The following TMEM252 variants were observed in gnomAD, a reference collection of about 807,000 sequenced individuals.
TMEM252 encodes transmembrane protein 252.
Under a neutral mutation model 6.4 loss-of-function variants are expected in TMEM252, and 4 were observed. The observed-to-expected ratio is 0.62, with a 90% confidence interval of 0.31 to 1.43. TMEM252 has a LOEUF of 1.43. Among genes scored for constraint, TMEM252 ranks in the 40% most tolerant of loss-of-function variants. TMEM252 has a pLI of 0.07. For missense variants in TMEM252, 207 were observed against 209.4 expected, an observed-to-expected ratio of 0.99 and a Z score of 0.07; for synonymous variants, 85 against 82.5, an observed-to-expected ratio of 1.03 and a Z score of -0.17.
rs1028117078 is a variant in TMEM252 at position 68,537,399 on chromosome 9, G to C, written c.373C>G (p.Leu125Val). 5 of 1,608,364 alleles carry C rather than the reference G, an allele frequency of 3.1e-6. No individual in the cohort carries two copies. In the African/African-American group the frequency reaches 6.7e-5, roughly 22 times the overall value. The change falls in exon 2 of 2, where the codon CTA becomes GTA. Residue 125 changes from leucine to valine, a missense_variant. Coordinates refer to ENST00000377311, the MANE Select transcript of TMEM252 (RefSeq NM_153237.2). ...AATTCCAGGCCCGTCTCTGTATATAGAGGTGGAGGAATGCCAGAGGCCTCT... is the reference window on the plus strand; with the variant it reads ...AATTCCAGGCCCGTCTCTGTATATACAGGTGGAGGAATGCCAGAGGCCTCT... ...EREASGIPPP[L>V]YTETGLEFQD...
chr9:68,540,338 C>T (rs901716951), intron 1 of TMEM252, among the ~76,000 whole-genome samples, 199 bp downstream of exon 1: 8 of 152,184 alleles, frequency 5.3e-5, no homozygotes, highest in African/African-American at 1.9e-4. Context: ...GTTGCCCCTG[C>T]GTCATGGTTT....
At position 68,537,420 on chromosome 9, in the gene TMEM252, CCT is replaced by C. The variant is rs763038520; in HGVS notation, c.350_351del (p.Glu117GlyfsTer21). 1.5e-5 allele frequency: 24 copies of C among 1,606,152 alleles called. No homozygotes were observed. Among genetic ancestry groups the C allele is most frequent in the Middle Eastern group, 1.7e-4 (1 of 6,020 alleles). On this transcript the variant is annotated frameshift_variant, in exon 2 of 2. Transcript: ENST00000377311. LOFTEE classifies it low-confidence loss of function (END_TRUNC). ...VEKQSCPAER[E>X]ASGIPPPLYT... ...TATAGAGGTGGAGGAATGCCAGAGG[CCT>C]CTCTCTCTGCAGGACAGCTCTGCTT... is the stretch of plus-strand genomic sequence containing the variant.
intron 1 of TMEM252, 142 bp from the exon 2 acceptor site, chr9:68,537,635 T>C: frequency 1.5e-6 from 1 of 652,032 alleles, no homozygotes; most frequent in African/African-American, 1.9e-5. Context: ...TACTTCTTCC[T>C]GGCATCACCA....
intron 1 of TMEM252, among the ~76,000 whole-genome samples, chr9:68,539,758 C>A (rs991853689): frequency 6.6e-6 from 1 of 152,224 alleles, no homozygotes; most frequent in Non-Finnish European, 1.5e-5. Context: ...CCATTTGAAT[C>A]CCTGCTTTCA....
In TMEM252 at chr9:68,540,777, G is replaced by T. The variant is rs775419653; in HGVS notation, c.38C>A (p.Ala13Asp). Residue 13 changes from alanine (A) to aspartate (D), a missense_variant, in exon 1 of 2, where the codon GCC becomes GAC. Physicochemically the swap from Ala to Asp is moderately radical, Grantham distance 126. Transcript: ENST00000377311. ...GACCATCAGGAAACCCATCAGGAGG[G>T]CAAGAGCACAGAGAATGAGGCCAGT... The part of the protein sequence containing the change: ...NRTGLILCAL[A>D]LLMGFLMVCL... 6.2e-6 allele frequency: 10 copies of T among 1,613,966 alleles called. No individual in the cohort carries two copies. The African/African-American group carries it at 8.0e-5, about 13-fold the overall frequency.
chr9:68,539,851 CTG>C (rs1481268230), intron 1 of TMEM252, among the ~76,000 whole-genome samples: 1 of 152,244 alleles, frequency 6.6e-6, no homozygotes, highest in South Asian at 2.1e-4. Flanking sequence ...AGTCTCCACA[CTG>C]TTTTCCACAG....
Position 68,537,425 on chromosome 9 carries a change from C to G in TMEM252, c.347G>C (p.Arg116Thr). 1.2e-6 allele frequency: 2 copies of G among 1,606,936 alleles called. No individual in the cohort carries two copies. The highest frequency in any genetic ancestry group is 1.7e-6 in the Non-Finnish European group (2 of 1,178,032). ...AGGTGGAGGAATGCCAGAGGCCTCT[C>G]TCTCTGCAGGACAGCTCTGCTTTTC... The part of the protein sequence containing the change: ...EVEKQSCPAE[R>T]EASGIPPPLY... The change falls in exon 2 of 2, where the codon AGA (arginine) becomes ACA (threonine). Residue 116 changes from arginine to threonine, a missense_variant. Physicochemically the swap from Arg to Thr is moderately conservative, Grantham distance 71. Transcript: ENST00000377311.
chr9:68,537,524 C>T (rs1281372970), intron 1 of TMEM252, 31 bp from the exon 2 acceptor site: 4 of 1,560,878 alleles, frequency 2.6e-6, no homozygotes, highest in South Asian at 1.2e-5. Flanking sequence ...AACATGCGTG[C>T]GTTATTTAGG....
chr9:68,539,915 T>A (rs1346632695), intron 1 of TMEM252, among the ~76,000 whole-genome samples: 2 of 152,238 alleles, frequency 1.3e-5, no homozygotes, highest in African/African-American at 4.8e-5. Flanking sequence ...TTCCAATTTA[T>A]TGACATCCTC....
At position 68,537,244 on chromosome 9, in the gene TMEM252, A is replaced by G. The variant is rs1356363418; in HGVS notation, c.*15T>C. ...ACAGTGGTGGCATCATGAGTGCTGG[A>G]GAGCTTTCTCTGCCTCAGCACTCTT... On this transcript the variant is annotated 3_prime_UTR_variant, in exon 2 of 2. Coordinates refer to ENST00000377311, the MANE Select transcript of TMEM252 (RefSeq NM_153237.2). 2 of 1,596,848 alleles carry G rather than the reference A, an allele frequency of 1.3e-6. No homozygotes were observed. The highest frequency in any genetic ancestry group is 2.3e-5 in the South Asian group (2 of 88,780).
chr9:68,540,010 G>T (rs972993519), intron 1 of TMEM252, among the ~76,000 whole-genome samples: 4 of 152,170 alleles, frequency 2.6e-5, no homozygotes, highest in African/African-American at 9.7e-5. Flanking sequence ...CTTGCCTCTA[G>T]AATATTATCA....
At chr9:68,538,063 A>G (rs1825162864) in intron 1 of TMEM252, among the ~76,000 whole-genome samples, 1 of 152,232 alleles carries the variant, frequency 6.6e-6, no homozygotes, top group African/African-American at 2.4e-5. Context: ...AAACATATTC[A>G]TTTCTCAAAT....
rs746346576 is a variant in TMEM252 at position 68,537,282 on chromosome 9, G to A, written c.490C>T (p.Gln164Ter). 2.5e-6 allele frequency: 4 copies of A among 1,603,126 alleles called. No individual in the cohort carries two copies. In the South Asian group the frequency reaches 4.5e-5, roughly 18 times the overall value. The change falls in exon 2 of 2, where the codon CAG (glutamine) becomes TAG (stop). Residue 164 changes from glutamine (Q) to a stop codon, truncating the protein, a stop_gained. Coordinates refer to ENST00000377311, the MANE Select transcript of TMEM252 (RefSeq NM_153237.2). LOFTEE classifies it high-confidence loss of function. The stretch of plus-strand genomic sequence containing the variant: ...CCTCAGCACTCTTGGCCTCGCCTCT[G>A]GGCGTCCTCTGAGATTGCTGTCACC... ...LVVTAISEDA[Q>*]RRGQEC
chr9:68,538,022 G>T (rs1401595193), intron 1 of TMEM252, among the ~76,000 whole-genome samples: 1 of 152,166 alleles, frequency 6.6e-6, no homozygotes, highest in Non-Finnish European at 1.5e-5. Context: ...ACCCTTTCGA[G>T]ACTCAGTAGC....
chr9:68,537,181 A>G lies in TMEM252; in HGVS notation c.*78T>C. 7.7e-7 allele frequency: 1 copy of G among 1,297,920 alleles called. No individual in the cohort carries two copies. Among genetic ancestry groups the G allele is most frequent in the African/African-American group, 1.5e-5 (1 of 66,400 alleles). 80.4% of individuals were successfully genotyped at this position (1,297,920 alleles called of 1,614,324 possible). A position where few individuals can be genotyped will look rare whatever the true frequency, so the allele number is the denominator to read the frequency against. On this transcript the variant is annotated 3_prime_UTR_variant, in exon 2 of 2. Coordinates refer to ENST00000377311, the MANE Select transcript of TMEM252 (RefSeq NM_153237.2). ...TCCCTGGTGTGGCTTTTCCTCCCACAGTCCCTCGTTTGCCTTTATTATCAG... is the reference window on the plus strand; with the variant it reads ...TCCCTGGTGTGGCTTTTCCTCCCACGGTCCCTCGTTTGCCTTTATTATCAG...
chr9:68,540,864 C>G lies in TMEM252; in HGVS notation c.-50G>C. The G allele has an allele frequency of 6.4e-7, 1 of 1,568,650 alleles. No individual in the cohort carries two copies. The highest frequency in any genetic ancestry group is 8.7e-7 in the Non-Finnish European group (1 of 1,147,146). On this transcript the variant is annotated 5_prime_UTR_variant, in exon 1 of 2. Transcript: ENST00000377311. ...CCTGACCCTGCTGCTCCTCTGCTTC[C>G]CTGCTTGCTCCAAGAGAATGAGCTC...
intron 1 of TMEM252, among the ~76,000 whole-genome samples, chr9:68,538,662 C>T (rs1825169498): frequency 6.6e-6 from 1 of 152,226 alleles, no homozygotes; most frequent in South Asian, 2.1e-4. Context: ...GCTTTGATAT[C>T]TCAACCTGGG....
Position 68,540,670 on chromosome 9 carries a change from G to A in TMEM252, c.145C>T (p.Leu49=). 1 of 1,614,110 alleles carries A rather than the reference G, an allele frequency of 6.2e-7. No individual in the cohort carries two copies. The highest frequency in any genetic ancestry group is 8.5e-7 in the Non-Finnish European group (1 of 1,180,008). ...SLIAAYLLLP[L]GFVILLSGIF... is the part of the protein sequence containing the mutation. ...CCACTCAGAAGGATCACAAACCCCA[G>A]AGGCAGAAGCAAATAGGCCGCAATC... Residue 49 remains leucine (L), a synonymous_variant, in exon 1 of 2, where the codon CTG becomes TTG. Transcript: ENST00000377311.
intron 1 of TMEM252, among the ~76,000 whole-genome samples, chr9:68,540,184 C>A (rs1242669301): frequency 1.3e-5 from 2 of 152,148 alleles, no homozygotes; most frequent in African/African-American, 4.8e-5. Flanking sequence ...TCCTTAGAAC[C>A]TCATAGCCAG....
Sources: gnomAD v4.1 joint callset for allele counts (sites outside exome capture counted in the v4.1 genomes callset) on GRCh38, gnomAD v4.1.1 for gene constraint, MANE v1.5 for transcripts, NCBI Gene and HGNC (gene_info 2026-07-23, HGNC 2026-07-21) for gene names.